Variants in MTHFD2L observed in about 807,000 individuals in gnomAD.
MTHFD2L encodes the protein bifunctional methylenetetrahydrofolate dehydrogenase/cyclohydrolase 2, mitochondrial.
A neutral mutation model predicts 34.9 loss-of-function variants in MTHFD2L; 29 were observed. The ratio of observed to expected loss-of-function variants is 0.83; its 90% CI spans 0.62 to 1.13. The LOEUF (loss-of-function observed/expected upper bound fraction) is 1.13, where lower values mean the gene tolerates loss of function less well. Among genes scored for constraint, MTHFD2L ranks in the 50% most tolerant of loss-of-function variants. The pLI is 0.00. For missense variants in MTHFD2L, 481 were observed against 446.5 expected (o/e 1.08, Z -0.70); for synonymous variants, 167 against 155.7 (o/e 1.07, Z -0.54).
chr4:74,129,773 CA>C (rs1017211510), intron 1 of MTHFD2L, among the ~76,000 whole-genome samples: 72 of 151,198 alleles, frequency 4.8e-4, no homozygotes, highest in African/African-American at 1.6e-3. Context: ...AAAAACCCTT[CA>C]AAAAAATGAA....
intron 6 of MTHFD2L, among the ~76,000 whole-genome samples, chr4:74,274,157 A>G (rs757362261): frequency 4.6e-5 from 7 of 152,024 alleles, no homozygotes; most frequent in Non-Finnish European, 8.8e-5. Context: ...CAGCCTGTCA[A>G]AATCAGTTTG....
chr4:74,128,612 C>T (rs551756753), intron 1 of MTHFD2L, among the ~76,000 whole-genome samples: 12 of 152,178 alleles, frequency 7.9e-5, no homozygotes, highest in African/African-American at 2.6e-4. Context: ...AATTTGGTTA[C>T]CATACCTTTG....
upstream of MTHFD2L, among the ~76,000 whole-genome samples, chr4:74,156,201 G>A (rs1395173992): frequency 1.3e-5 from 2 of 152,026 alleles, no homozygotes; most frequent in African/African-American, 4.8e-5. Flanking sequence ...TAGTTTCACT[G>A]TCCTAAAAAC....
chr4:74,282,567 G>A (rs1237220711), intron 7 of MTHFD2L, among the ~76,000 whole-genome samples: 1 of 152,036 alleles, frequency 6.6e-6, no homozygotes, highest in Non-Finnish European at 1.5e-5. Flanking sequence ...AGTGTCCTAG[G>A]GTACTGGCCC....
chr4:74,193,439 A>C (rs1365171855), intron 3 of MTHFD2L, among the ~76,000 whole-genome samples: 1 of 152,184 alleles, frequency 6.6e-6, no homozygotes, highest in East Asian at 1.9e-4. Flanking sequence ...TAAGTCCTTT[A>C]AATCTTCATA....
intron 1 of MTHFD2L, among the ~76,000 whole-genome samples, chr4:74,131,310 C>T (rs1185781915): frequency 6.6e-6 from 1 of 152,296 alleles, no homozygotes; most frequent in Admixed American, 6.5e-5. Context: ...ATGCTGCAAG[C>T]ATCATGCTAC....
intron 5 of MTHFD2L, among the ~76,000 whole-genome samples, chr4:74,213,006 G>A (rs1351652594): frequency 6.6e-6 from 1 of 151,902 alleles, no homozygotes; most frequent in Admixed American, 6.6e-5. Flanking sequence ...TCAGAGACTA[G>A]GATTGCAACC....
At chr4:74,165,095 G>T (rs1726384717) in intron 1 of MTHFD2L, 2 of 454,998 alleles carry the variant, frequency 4.4e-6, no homozygotes, top group African/African-American at 4.3e-5. Context: ...GGGCACGAAT[G>T]TAATGAAAAT....
chr4:74,204,922 A>G (rs981647528), intron 5 of MTHFD2L, among the ~76,000 whole-genome samples: 6 of 152,178 alleles, frequency 3.9e-5, no homozygotes, highest in African/African-American at 1.2e-4. Flanking sequence ...AAAAACATAT[A>G]TACTTTAAAA....
rs756476410 is a variant in MTHFD2L, at chr4:74,209,647, A to C, written c.712+8277A>C. Among the ~76,000 whole-genome samples the C allele has an allele frequency of 2.6e-5, 4 of 152,222 alleles. No individual in the cohort carries two copies. In the South Asian group the frequency reaches 8.3e-4, roughly 32 times the overall value. Reference sequence around the variant, plus strand: ...CTTTGCTGTTGTGAATAGTGCTGCAATAAACATATGTGTGCATGTGTCTTT... The same window carrying C: ...CTTTGCTGTTGTGAATAGTGCTGCACTAAACATATGTGTGCATGTGTCTTT... On this transcript the variant is annotated intron_variant, in intron 5 of 7. Coordinates refer to ENST00000325278, the MANE Select transcript of MTHFD2L (RefSeq NM_001144978.3).
At chr4:74,164,955 A>G in intron 1 of MTHFD2L, 1 of 985,138 alleles carries the variant, frequency 1.0e-6, no homozygotes, top group African/African-American at 1.7e-5. Context: ...CCACCTGAGC[A>G]AGTAATGACA....
At position 74,301,867 on chromosome 4, in the gene MTHFD2L, T is replaced by C; in HGVS notation, c.*58T>C. On this transcript the variant is annotated 3_prime_UTR_variant, in exon 8 of 8. Coordinates refer to ENST00000325278, the MANE Select transcript of MTHFD2L (RefSeq NM_001144978.3). ...TGCTATTTGTTTATTTGACAAAGGG[T>C]AAAACCTTTATATTTTACTACAAAG... The C allele has an allele frequency of 9.5e-7, 1 of 1,054,268 alleles. No individual in the cohort carries two copies. The highest frequency in any genetic ancestry group is 1.4e-6 in the Non-Finnish European group (1 of 712,118). 65.3% of individuals were successfully genotyped at this position (1,054,268 alleles called of 1,614,324 possible).
chr4:74,205,258 C>G (rs17230459), intron 5 of MTHFD2L, among the ~76,000 whole-genome samples: 8 of 151,976 alleles, frequency 5.3e-5, no homozygotes, highest in African/African-American at 1.7e-4. Context: ...TTCAAACATG[C>G]GTGTCTGTTA....
chr4:74,268,749 A>G (rs1166437038), intron 6 of MTHFD2L, among the ~76,000 whole-genome samples: 1 of 152,178 alleles, frequency 6.6e-6, no homozygotes, highest in Admixed American at 6.5e-5. Flanking sequence ...GAGATTATCA[A>G]ATACACATAT....
intron 6 of MTHFD2L, chr4:74,268,235 T>C (rs563433684): frequency 2.0e-6 from 2 of 982,944 alleles, no homozygotes; most frequent in South Asian, 9.5e-5. Flanking sequence ...AGCCATTATA[T>C]TACTGTCTGC....
chr4:74,189,955 A>G (rs1732177179), intron 3 of MTHFD2L, among the ~76,000 whole-genome samples: 1 of 152,092 alleles, frequency 6.6e-6, no homozygotes, highest in Admixed American at 6.5e-5. Context: ...TCATTCATTT[A>G]CCAGGTCAAC....
chr4:74,273,571 C>A (rs557837586), intron 6 of MTHFD2L, among the ~76,000 whole-genome samples: 1 of 152,258 alleles, frequency 6.6e-6, no homozygotes, highest in South Asian at 2.1e-4. Flanking sequence ...CTCAAATGTA[C>A]ACTTCTGTTC....
intron 6 of MTHFD2L, among the ~76,000 whole-genome samples, chr4:74,239,208 C>T (rs993076123): frequency 3.9e-5 from 6 of 152,074 alleles, no homozygotes; most frequent in Admixed American, 2.0e-4. Context: ...AGCTGGAAAC[C>T]GTCATTCTGA....
intron 6 of MTHFD2L, among the ~76,000 whole-genome samples, chr4:74,227,234 T>C (rs2110127957): frequency 6.6e-6 from 1 of 152,336 alleles, no homozygotes; most frequent in Middle Eastern, 3.4e-3. Flanking sequence ...CGATAGCTTT[T>C]GCTCAGCATC....
Sources: gnomAD v4.1 joint callset for allele counts (sites outside exome capture counted in the v4.1 genomes callset) on GRCh38, gnomAD v4.1.1 for gene constraint, MANE v1.5 for transcripts, NCBI Gene and HGNC (gene_info 2026-07-23, HGNC 2026-07-21) for gene names.